The following SMG6 variants were observed in gnomAD, a reference collection of about 807,000 sequenced individuals.
The protein encoded by SMG6 is SMG6 nonsense mediated mRNA decay factor.
Under a neutral mutation model 142.2 loss-of-function variants are expected in SMG6, and 66 were observed. The observed-to-expected ratio is 0.46, with a 90% CI of 0.38 to 0.57. The LOEUF (loss-of-function observed/expected upper bound fraction) is 0.57, where lower values mean the gene tolerates loss of function less well. Ranked by LOEUF, SMG6 falls within the 20% of genes least tolerant of loss-of-function variation. SMG6 has a pLI of 0.00. For synonymous variants in SMG6, 779 were observed against 702.4 expected, an observed-to-expected ratio of 1.11 and a Z score of -1.72; for missense variants, 1,793 against 1,832.0, an observed-to-expected ratio of 0.98 and a Z score of 0.39.
At chr17:2,128,476 G>A (rs986712608) in intron 13 of SMG6, among the ~76,000 whole-genome samples, 4 of 152,056 alleles carry the variant, frequency 2.6e-5, no homozygotes, top group Non-Finnish European at 5.9e-5. Context: ...AAAAACCACC[G>A]GATTCTGATG....
At chr17:2,174,996 T>A (rs2071614919) in intron 12 of SMG6, among the ~76,000 whole-genome samples, 1 of 152,038 alleles carries the variant, frequency 6.6e-6, no homozygotes, top group African/African-American at 2.4e-5. Context: ...TATCCTCCGG[T>A]CCCGGCTGCA....
chr17:2,107,010 G>A (rs967064375), intron 13 of SMG6, among the ~76,000 whole-genome samples: 1 of 152,092 alleles, frequency 6.6e-6, no homozygotes, highest in Non-Finnish European at 1.5e-5. Context: ...TTTTAGTAGA[G>A]ACGTTTAGTA....
intron 8 of SMG6, among the ~76,000 whole-genome samples, chr17:2,262,800 G>A (rs1157002149): frequency 2.0e-5 from 3 of 152,088 alleles, no homozygotes; most frequent in Non-Finnish European, 4.4e-5. Context: ...TTTTCTGTGT[G>A]CAGTACCTAG....
At chr17:2,158,894 T>A (rs1597489819) in intron 13 of SMG6, among the ~76,000 whole-genome samples, 4 of 123,736 alleles carry the variant, frequency 3.2e-5, no homozygotes, top group African/African-American at 6.0e-5. Context: ...TGTTCAAGAC[T>A]ATGTTTAAAA....
At chr17:2,109,263 T>C (rs2069241492) in intron 13 of SMG6, among the ~76,000 whole-genome samples, 1 of 152,180 alleles carries the variant, frequency 6.6e-6, no homozygotes, top group Non-Finnish European at 1.5e-5. Flanking sequence ...TTAGAATATA[T>C]GTCTCTCTTT....
At chr17:2,270,212 G>GA (rs967763007) in intron 8 of SMG6, among the ~76,000 whole-genome samples, 6 of 150,124 alleles carry the variant, frequency 4.0e-5, no homozygotes, top group African/African-American at 9.8e-5. Flanking sequence ...TAGCAATAGG[G>GA]AAAAAAAAAG....
intron 9 of SMG6, 30 bp downstream of exon 9, chr17:2,244,628 G>T: frequency 6.4e-7 from 1 of 1,573,050 alleles, no homozygotes; most frequent in Non-Finnish European, 8.7e-7. Context: ...TGTAATGTAG[G>T]AAAATAAAAT....
At chr17:2,157,040 T>C (rs1486209583) in intron 13 of SMG6, among the ~76,000 whole-genome samples, 2 of 152,188 alleles carry the variant, frequency 1.3e-5, no homozygotes, top group Non-Finnish European at 2.9e-5. Flanking sequence ...CTTCCACTGT[T>C]TGTGCTAGAG....
intron 13 of SMG6, among the ~76,000 whole-genome samples, chr17:2,113,222 GTGT>G (rs2069394647): frequency 6.6e-6 from 1 of 151,858 alleles, no homozygotes. Context: ...CATTGCAGGC[GTGT>G]GCCACCATGC....
At chr17:2,225,642 C>A (rs1188149530) in intron 10 of SMG6, among the ~76,000 whole-genome samples, 1 of 152,096 alleles carries the variant, frequency 6.6e-6, no homozygotes, top group African/African-American at 2.4e-5. Context: ...CGATGGCATG[C>A]AAATTGGGAA....
At chr17:2,131,153 G>A (rs1228425502) in intron 13 of SMG6, among the ~76,000 whole-genome samples, 1 of 152,150 alleles carries the variant, frequency 6.6e-6, no homozygotes, top group African/African-American at 2.4e-5. Flanking sequence ...AATGCCAGTG[G>A]TCTTGTTTTA....
chr17:2,075,486 G>A (rs1360328747), intron 15 of SMG6, among the ~76,000 whole-genome samples: 1 of 152,194 alleles, frequency 6.6e-6, no homozygotes, highest in Non-Finnish European at 1.5e-5. Flanking sequence ...GACCCCGCCC[G>A]ACAGCAGCAC....
intron 13 of SMG6, among the ~76,000 whole-genome samples, chr17:2,152,037 T>C (rs996464220): frequency 3.9e-5 from 6 of 152,234 alleles, no homozygotes; most frequent in Non-Finnish European, 8.8e-5. Context: ...CACTCTGGAA[T>C]ATACTACGGG....
At chr17:2,142,221 A>C (rs547241270) in intron 13 of SMG6, among the ~76,000 whole-genome samples, 2 of 152,216 alleles carry the variant, frequency 1.3e-5, no homozygotes, top group Non-Finnish European at 2.9e-5. Flanking sequence ...AAATAAAATA[A>C]ACCAGATTAA....
Position 2,299,423 on chromosome 17 carries a change from G to A in SMG6, c.1330C>T (p.Arg444Trp), listed in dbSNP as rs777689390. Residue 444 changes from arginine to tryptophan, a missense_variant, in exon 2 of 19, where the codon CGG (arginine) becomes TGG (tryptophan). This residue lies in a region of SMG6 where 1,597 missense variants were observed against 1,584.6 expected (regional missense o/e 1.01). Transcript: ENST00000263073. The surrounding 1 kb of genome is among the most constrained non-coding windows in gnomAD (Gnocchi z 4.3). ...LLFGSGSKGS[R>W]SWGRGGTTRR... ...GTGGTGCCTCCACGGCCCCAACTCC[G>A]AGATCCCTTACTACCAGATCCAAAC... 31 of 1,613,684 alleles carry A rather than the reference G, an allele frequency of 1.9e-5. No homozygotes were observed. Among genetic ancestry groups the A allele is most frequent in the East Asian group, 4.5e-5 (2 of 44,894 alleles).
chr17:2,195,889 CGCCCGTGACTCAAGTGTCACACTCCCACT>C (rs2072309230), intron 10 of SMG6, among the ~76,000 whole-genome samples: 1 of 152,026 alleles, frequency 6.6e-6, no homozygotes, highest in African/African-American at 2.4e-5. Flanking sequence ...GATTTTCACA[CGCCCGTGACTCAAGTGTCACACTCCCACT>C]GCTCCTCTCT....
chr17:2,118,538 C>CA (rs973650778), intron 13 of SMG6, among the ~76,000 whole-genome samples: 3 of 143,910 alleles, frequency 2.1e-5, no homozygotes, highest in South Asian at 2.2e-4. Flanking sequence ...GACTCTGTCT[C>CA]AAAAAAAAAT....
chr17:2,221,931 C>T (rs772098361), intron 10 of SMG6, among the ~76,000 whole-genome samples: 83 of 152,290 alleles, frequency 5.5e-4, no homozygotes, highest in African/African-American at 1.7e-3. Context: ...GACAGGGTTT[C>T]GCCATGTTGG....
chr17:2,243,639 C>T lies in SMG6; in HGVS notation c.2723+1019G>A, dbSNP rs143702800. Among the ~76,000 whole-genome samples, 16 of 152,250 alleles carry T rather than the reference C, an allele frequency of 1.1e-4. No homozygotes were observed. The East Asian group carries it at 2.9e-3, about 28-fold the overall frequency. Reference sequence around the variant, plus strand: ...GAGGTTGCAGAGAGTCGAGTCATGCCGCTGCACTCCAGCCTGGGCAAGAGA... The same window carrying T: ...GAGGTTGCAGAGAGTCGAGTCATGCTGCTGCACTCCAGCCTGGGCAAGAGA... On this transcript the variant is annotated intron_variant, in intron 9 of 18. Transcript: ENST00000263073.
Sources: allele counts gnomAD v4.1 joint callset (sites outside exome capture counted in the v4.1 genomes callset), GRCh38; gene constraint gnomAD v4.1.1; regional missense constraint gnomAD v4.1.1; non-coding constraint Gnocchi (gnomAD v3.1); transcripts MANE v1.5; gene names NCBI Gene and HGNC (gene_info 2026-07-23, HGNC 2026-07-21).